Variants in DPP6 observed in about 807,000 individuals in gnomAD.
DPP6 encodes dipeptidyl peptidase like 6.
A neutral mutation model predicts 122.6 loss-of-function variants in DPP6; 69 were observed. That is an observed-to-expected ratio of 0.56 (90% CI 0.46 to 0.69). The LOEUF (loss-of-function observed/expected upper bound fraction) is 0.69, where lower values mean the gene tolerates loss of function less well. DPP6 is among the 30% of genes least tolerant of loss of function. The probability of loss-of-function intolerance (pLI) is 0.00; values close to 1 mark genes in which losing one functional copy is unlikely to be tolerated. For synonymous variants in DPP6, 418 were observed against 433.1 expected, an observed-to-expected ratio of 0.97 and a Z score of 0.43; for missense variants, 928 against 1,116.9, an observed-to-expected ratio of 0.83 and a Z score of 2.41.
intron 7 of DPP6, among the ~76,000 whole-genome samples, chr7:154,705,934 A>C (rs1840805644): frequency 6.6e-6 from 1 of 152,228 alleles, no homozygotes; most frequent in African/African-American, 2.4e-5. Flanking sequence ...CCTGCGTAGA[A>C]GGGTTGGAAG....
intron 1 of DPP6, among the ~76,000 whole-genome samples, chr7:154,155,020 T>G (rs2150694543): frequency 6.6e-6 from 1 of 152,244 alleles, no homozygotes; most frequent in African/African-American, 2.4e-5. Context: ...CACAGTGTCC[T>G]TGGGTATTTA....
intron 16 of DPP6, among the ~76,000 whole-genome samples, chr7:154,813,929 G>A (rs1799247234): frequency 7.8e-6 from 1 of 127,942 alleles, no homozygotes; most frequent in African/African-American, 2.9e-5. Context: ...CACCCAGGCT[G>A]GAGTGCAATG....
chr7:154,388,270 G>C (rs977510352), intron 1 of DPP6, among the ~76,000 whole-genome samples: 6 of 152,214 alleles, frequency 3.9e-5, no homozygotes, highest in African/African-American at 7.2e-5. Flanking sequence ...CTGGGCAACA[G>C]AGTGAGAGAC....
At chr7:154,695,747 G>C (rs1183975838) in intron 7 of DPP6, among the ~76,000 whole-genome samples, 1 of 151,342 alleles carries the variant, frequency 6.6e-6, no homozygotes, top group East Asian at 2.0e-4. Flanking sequence ...AGGTGCCGAG[G>C]GTAGGAGAAT....
chr7:154,570,189 G>A (rs1418968966), intron 5 of DPP6, among the ~76,000 whole-genome samples: 1 of 151,886 alleles, frequency 6.6e-6, no homozygotes, highest in African/African-American at 2.4e-5. Context: ...TAAGAGAAAT[G>A]AGGAAACAGA....
chr7:154,003,159 G>C (rs1281063404), intron 1 of DPP6, among the ~76,000 whole-genome samples: 13 of 152,210 alleles, frequency 8.5e-5, no homozygotes, highest in Admixed American at 8.5e-4. Flanking sequence ...GTTGATGCTG[G>C]TTTTACAAGA....
At chr7:154,794,334 G>A (rs1438756041) in intron 11 of DPP6, 132 bp downstream of exon 11, 2 of 1,363,768 alleles carry the variant, frequency 1.5e-6, no homozygotes, top group South Asian at 3.4e-5. Context: ...GCTGCGGGGA[G>A]CCCGCGGCGC....
chr7:154,389,469 G>GA (rs1424153840), intron 1 of DPP6, among the ~76,000 whole-genome samples: 1 of 151,410 alleles, frequency 6.6e-6, no homozygotes, highest in Non-Finnish European at 1.5e-5. Context: ...TTTCACTGCT[G>GA]AAAAAAATCA....
At chr7:154,726,760 G>A (rs1460298940) in intron 7 of DPP6, among the ~76,000 whole-genome samples, 2 of 152,034 alleles carry the variant, frequency 1.3e-5, no homozygotes, top group African/African-American at 2.4e-5. Context: ...CCACATAGTC[G>A]GACTGCAAAT....
At chr7:154,120,768 T>C (rs1807392244) in intron 1 of DPP6, among the ~76,000 whole-genome samples, 1 of 152,246 alleles carries the variant, frequency 6.6e-6, no homozygotes. Flanking sequence ...AAGGAAATTC[T>C]TGTGAAATTA....
chr7:154,072,311 T>G (rs1434557233), intron 1 of DPP6, among the ~76,000 whole-genome samples: 1 of 152,228 alleles, frequency 6.6e-6, no homozygotes, highest in African/African-American at 2.4e-5. Flanking sequence ...GGTGTTAGTT[T>G]ATATGTTTGT....
chr7:154,703,808 G>A (rs921537527), intron 7 of DPP6, among the ~76,000 whole-genome samples: 2 of 151,872 alleles, frequency 1.3e-5, no homozygotes, highest in African/African-American at 4.8e-5. Context: ...GTGGTGGTGG[G>A]AGCCTGTAGT....
intron 2 of DPP6, among the ~76,000 whole-genome samples, chr7:154,447,856 T>C (rs887740705): frequency 6.6e-6 from 1 of 152,150 alleles, no homozygotes; most frequent in African/African-American, 2.4e-5. Flanking sequence ...AATAAGCATG[T>C]GACAAAATCC....
intron 5 of DPP6, chr7:154,587,901 C>T (rs771298057): frequency 6.2e-7 from 1 of 1,612,754 alleles, no homozygotes; most frequent in East Asian, 2.2e-5. Context: ...TGGAGGATTG[C>T]AGGAGAGTCC....
At chr7:154,871,346 G>A (rs184008501) in intron 18 of DPP6, among the ~76,000 whole-genome samples, 6 of 152,190 alleles carry the variant, frequency 3.9e-5, no homozygotes, top group South Asian at 2.1e-4. Context: ...AGGATGTGGG[G>A]CACCTGTATG....
At chr7:154,308,832 A>C (rs1165440530) in intron 1 of DPP6, among the ~76,000 whole-genome samples, 1 of 150,832 alleles carries the variant, frequency 6.6e-6, no homozygotes, top group Non-Finnish European at 1.5e-5. Context: ...AGCTATTAAG[A>C]GAAGACGAAA....
chr7:153,902,473 C>T (rs968008804), intron 1 of DPP6, among the ~76,000 whole-genome samples: 2 of 152,030 alleles, frequency 1.3e-5, no homozygotes, highest in Non-Finnish European at 2.9e-5. Context: ...AACAAGATCC[C>T]CGGGTCATAA....
intron 4 of DPP6, among the ~76,000 whole-genome samples, chr7:154,559,159 A>C (rs2130457450): frequency 6.6e-6 from 1 of 152,046 alleles, no homozygotes; most frequent in African/African-American, 2.4e-5. Context: ...TATAAGGAAA[A>C]CCATGAACAT....
chr7:154,694,033 C>T (rs552021583), intron 7 of DPP6, among the ~76,000 whole-genome samples: 2 of 152,282 alleles, frequency 1.3e-5, no homozygotes, highest in South Asian at 2.1e-4. Context: ...TTTCATCGTC[C>T]TGGAGGCTGG....
Sources: gnomAD v4.1 joint callset for allele counts (sites outside exome capture counted in the v4.1 genomes callset) on GRCh38, gnomAD v4.1.1 for gene constraint, MANE v1.5 for transcripts, NCBI Gene and HGNC (gene_info 2026-07-23, HGNC 2026-07-21) for gene names.